AGBL1: variants seen among roughly 807,000 people sequenced by gnomAD.
AGBL1 encodes AGBL carboxypeptidase 1.
A neutral mutation model predicts 118.9 loss-of-function variants in AGBL1; 130 were observed. The ratio of observed to expected loss-of-function variants is 1.09; its 90% confidence interval spans 0.95 to 1.26. The LOEUF (loss-of-function observed/expected upper bound fraction) is 1.26. Among genes scored for constraint, AGBL1 ranks in the 50% most tolerant of loss-of-function variants. The probability of loss-of-function intolerance (pLI) is 0.00; values close to 1 mark genes in which losing one functional copy is unlikely to be tolerated. For synonymous variants in AGBL1, 555 were observed against 478.9 expected, an observed-to-expected ratio of 1.16 and a Z score of -2.08; for missense variants, 1,584 against 1,298.1, an observed-to-expected ratio of 1.22 and a Z score of -3.38.
intron 1 of AGBL1, among the ~76,000 whole-genome samples, chr15:86,135,028 ATG>A (rs2076870823): frequency 6.6e-6 from 1 of 152,054 alleles, no homozygotes; most frequent in African/African-American, 2.4e-5. Context: ...TTGGGGCCTA[ATG>A]GGGCGCTGGG....
At chr15:86,944,916 A>G (rs2080799880) in intron 23 of AGBL1, among the ~76,000 whole-genome samples, 1 of 152,198 alleles carries the variant, frequency 6.6e-6, no homozygotes, top group Non-Finnish European at 1.5e-5. Context: ...ACAGTAGGAC[A>G]ACGGCTGTAA....
chr15:86,154,193 C>T lies in AGBL1; in HGVS notation c.263-237C>T, dbSNP rs552393020. Among the ~76,000 whole-genome samples, 6 of 152,220 alleles carry T rather than the reference C, an allele frequency of 3.9e-5. No individual in the cohort carries two copies. In the East Asian group the frequency reaches 1.2e-3, roughly 29 times the overall value. Reference sequence around the variant, plus strand: ...TATGAGGACAACCTAAATATAGGGGCTTGAGAGTTATTCAACCCACAAGCT... The same window carrying T: ...TATGAGGACAACCTAAATATAGGGGTTTGAGAGTTATTCAACCCACAAGCT... On this transcript the variant is annotated intron_variant, in intron 3 of 22. Transcript: ENST00000614907.
At chr15:86,241,283 A>G (rs2078637713) in intron 6 of AGBL1, among the ~76,000 whole-genome samples, 1 of 152,232 alleles carries the variant, frequency 6.6e-6, no homozygotes, top group South Asian at 2.1e-4. Context: ...TTTGGATGCC[A>G]TCTTTGTAGG....
intron 21 of AGBL1, among the ~76,000 whole-genome samples, chr15:86,665,244 T>G (rs554266726): frequency 1.3e-5 from 2 of 152,334 alleles, no homozygotes; most frequent in South Asian, 4.1e-4. Flanking sequence ...TTGCTCATTT[T>G]ACGATTATTT....
intron 24 of AGBL1, among the ~76,000 whole-genome samples, chr15:87,005,966 C>T (rs994500830): frequency 4.6e-5 from 7 of 152,182 alleles, no homozygotes; most frequent in African/African-American, 1.7e-4. Context: ...CCACTCCAGA[C>T]CCTGTTTGCC....
chr15:86,694,150 G>C (rs1301127596), intron 22 of AGBL1, among the ~76,000 whole-genome samples: 1 of 151,846 alleles, frequency 6.6e-6, no homozygotes, highest in African/African-American at 2.4e-5. Context: ...GAATATTTTG[G>C]TGGGAATTGC....
chr15:86,881,737 G>T (rs140148112), intron 22 of AGBL1, among the ~76,000 whole-genome samples: 3,885 of 152,238 alleles, frequency 0.026, 82 homozygotes, highest in Non-Finnish European at 0.043. Context: ...CGGGTTTTAA[G>T]CAATTCTCCT....
rs938109106 is a variant in AGBL1 at position 86,911,538 on chromosome 15, G to A, written c.*4244G>A. The A allele has an allele frequency of 6.6e-6, 1 of 152,194 alleles. No homozygotes were observed. Among genetic ancestry groups the A allele is most frequent in the Non-Finnish European group, 1.5e-5 (1 of 68,112 alleles). The allele number at this position is 152,194 out of a possible 1,614,324, so 9.4% of individuals were successfully genotyped here. On this transcript the variant is annotated 3_prime_UTR_variant, in exon 23 of 23. Coordinates refer to ENST00000614907, the MANE Select transcript of AGBL1 (RefSeq NM_001386094.1). Reference sequence around the variant, plus strand: ...ACAGCCTCAGGTTCTGACATTCTTTGTTCTCTTTGATTTGCCACAGAACAT... The same window carrying A: ...ACAGCCTCAGGTTCTGACATTCTTTATTCTCTTTGATTTGCCACAGAACAT...
Position 86,759,744 on chromosome 15 carries a change from G to A in AGBL1, c.3158+85308G>A, listed in dbSNP as rs147930289. 4.0e-4 allele frequency among the ~76,000 whole-genome samples: 61 copies of A among 152,134 alleles called. No homozygotes were observed. In the East Asian group the frequency reaches 0.011, roughly 27 times the overall value. On this transcript the variant is annotated intron_variant, in intron 22 of 22. Coordinates refer to ENST00000614907, the MANE Select transcript of AGBL1 (RefSeq NM_001386094.1). ...GAAACATGCAAGTAGATTGTTTTAA[G>A]GAAAGAAAACAAGATGATGACTCTA...
In AGBL1 at chr15:86,838,941, T is replaced by TAAAAAA. The variant is rs386383698; in HGVS notation, c.3159-68126_3159-68121dup. On this transcript the variant is annotated intron_variant, in intron 22 of 22. Coordinates refer to ENST00000614907, the MANE Select transcript of AGBL1 (RefSeq NM_001386094.1). Reference sequence around the variant, plus strand: ...CCCCGGGCAACAGAATGAGATCCTGTAAAAAAAAAAAAAAAAAAAAAAAAA... The same window carrying TAAAAAA: ...CCCCGGGCAACAGAATGAGATCCTGTAAAAAAAAAAAAAAAAAAAAAAAAAAAAAAA... Among the ~76,000 whole-genome samples the TAAAAAA allele has an allele frequency of 8.8e-3, 420 of 47,840 alleles. 11 individuals carry two copies. The highest frequency in any genetic ancestry group is 0.015 in the East Asian group (19 of 1,264). The allele number at this position is 47,840 out of a possible 152,430, so 31.4% of individuals were successfully genotyped here.
intron 22 of AGBL1, among the ~76,000 whole-genome samples, chr15:86,783,048 G>A (rs1291869245): frequency 6.6e-6 from 1 of 152,158 alleles, no homozygotes; most frequent in Non-Finnish European, 1.5e-5. Context: ...GAGAAAAACA[G>A]TTGCATCCCA....
chr15:86,115,873 T>C (rs1897721665), intron 1 of AGBL1, among the ~76,000 whole-genome samples: 1 of 152,178 alleles, frequency 6.6e-6, no homozygotes, highest in Non-Finnish European at 1.5e-5. Flanking sequence ...TTCAGCCTTC[T>C]GGGACAGCTC....
In AGBL1 at chr15:86,894,207, T is replaced by C. The variant is rs576596069; in HGVS notation, c.3159-12880T>C. Among the ~76,000 whole-genome samples, 6 of 152,334 alleles carry C rather than the reference T, an allele frequency of 3.9e-5. No individual in the cohort carries two copies. The South Asian group carries it at 1.2e-3, about 32-fold the overall frequency. ...TTAAGGCCCACTCTATCAGTGGAAC[T>C]ACCGTTTGATTTCTGCATGATGCTA... On this transcript the variant is annotated intron_variant, in intron 22 of 22. Coordinates refer to ENST00000614907, the MANE Select transcript of AGBL1 (RefSeq NM_001386094.1).
chr15:86,756,631 G>A (rs2077945146), intron 22 of AGBL1, among the ~76,000 whole-genome samples: 1 of 152,094 alleles, frequency 6.6e-6, no homozygotes, highest in African/African-American at 2.4e-5. Flanking sequence ...GGTGAGAGAA[G>A]GAGGGTCTGG....
chr15:86,742,405 C>A (rs1287995208), intron 22 of AGBL1, among the ~76,000 whole-genome samples: 1 of 152,170 alleles, frequency 6.6e-6, no homozygotes, highest in Admixed American at 6.5e-5. Flanking sequence ...TTTACCCACA[C>A]TTTGGCAAAA....
At chr15:86,589,626 C>T (rs1446634343) in intron 21 of AGBL1, among the ~76,000 whole-genome samples, 1 of 152,146 alleles carries the variant, frequency 6.6e-6, no homozygotes. Context: ...CTCCGGATGG[C>T]TTGCTTGATG....
chr15:86,638,297 T>C (rs28372051), intron 21 of AGBL1, among the ~76,000 whole-genome samples: 1 of 152,230 alleles, frequency 6.6e-6, no homozygotes, highest in Non-Finnish European at 1.5e-5. Flanking sequence ...CATATGCCTT[T>C]TGAAATTTTC....
chr15:87,030,928 C>A (rs1239891927), downstream of AGBL1, among the ~76,000 whole-genome samples: 3 of 151,926 alleles, frequency 2.0e-5, no homozygotes, highest in Non-Finnish European at 4.4e-5. Context: ...TGAGGAAGGA[C>A]AGAGGTGGCA....
rs566424204 is a variant in AGBL1 at position 86,720,984 on chromosome 15, C to T, written c.3158+46548C>T. ...AATCTCTGAATAGACCAATAACAGG[C>T]TCTGAAATTGAGGCAATAATTAATA... On this transcript the variant is annotated intron_variant, in intron 22 of 22. Coordinates refer to ENST00000614907, the MANE Select transcript of AGBL1 (RefSeq NM_001386094.1). Among the ~76,000 whole-genome samples, 121 of 152,170 alleles carry T rather than the reference C, an allele frequency of 8.0e-4. 2 individuals carry two copies. The highest frequency in any genetic ancestry group is 2.7e-3 in the African/African-American group (113 of 41,520).
Sources: allele counts gnomAD v4.1 joint callset (sites outside exome capture counted in the v4.1 genomes callset), GRCh38; gene constraint gnomAD v4.1.1; transcripts MANE v1.5; gene names NCBI Gene and HGNC (gene_info 2026-07-23, HGNC 2026-07-21).